Variants in COL4A2 observed in about 807,000 individuals in gnomAD.
COL4A2 encodes the protein collagen alpha-2(IV) chain.
COL4A2 carries 99 observed loss-of-function variants against 200.2 expected under a neutral mutation model. The ratio of observed to expected loss-of-function variants is 0.49; its 90% CI spans 0.42 to 0.58. The LOEUF is 0.58. COL4A2 is among the 20% of genes least tolerant of loss of function. COL4A2 has a pLI of 0.00. For missense variants in COL4A2, 1,950 were observed against 2,314.1 expected (o/e 0.84, Z 3.23); for synonymous variants, 897 against 900.6 (o/e 1.00, Z 0.07).
chr13:110,437,240 C>A (rs895083794), intron 13 of COL4A2, among the ~76,000 whole-genome samples: 3 of 152,142 alleles, frequency 2.0e-5, no homozygotes, highest in African/African-American at 7.2e-5. Context: ...TATGAGTGAC[C>A]GTTGACAAAA....
chr13:110,361,130 T>C (rs1209510694), intron 4 of COL4A2, among the ~76,000 whole-genome samples: 2 of 152,240 alleles, frequency 1.3e-5, no homozygotes, highest in East Asian at 3.8e-4. Flanking sequence ...AGGAGACAAT[T>C]ACTCTCAGGA....
chr13:110,314,771 G>A (rs899011942), intron 3 of COL4A2, among the ~76,000 whole-genome samples: 1 of 152,180 alleles, frequency 6.6e-6, no homozygotes, highest in Non-Finnish European at 1.5e-5. Context: ...CAGTACCCTC[G>A]TGCCCTCCTG....
chr13:110,329,389 A>G (rs905787769), intron 3 of COL4A2, among the ~76,000 whole-genome samples: 3 of 152,230 alleles, frequency 2.0e-5, no homozygotes, highest in African/African-American at 7.2e-5. Context: ...GAGAAGGAAG[A>G]TAGAGCCAGC....
Position 110,508,439 on chromosome 13 carries a change from A to G in COL4A2, c.4881+218A>G. On this transcript the variant is annotated intron_variant, in intron 47 of 47. Transcript: ENST00000360467. The surrounding 1 kb of genome is among the most constrained non-coding windows in gnomAD (Gnocchi z 6.1). ...GGCTTCCTCCACCCAGAAAGGGCTC[A>G]TTAATTTGCCACCAGGCCTTTGTAA... The G allele has an allele frequency of 1.4e-6, 1 of 728,546 alleles. No homozygotes were observed. The highest frequency in any genetic ancestry group is 2.2e-6 in the Non-Finnish European group (1 of 456,070). 45.1% of individuals were successfully genotyped at this position (728,546 alleles called of 1,614,324 possible).
intron 39 of COL4A2, among the ~76,000 whole-genome samples, chr13:110,493,858 G>A (rs551951042): frequency 3.3e-5 from 5 of 152,212 alleles, no homozygotes; most frequent in Non-Finnish European, 5.9e-5. Context: ...GTGTCCTCAC[G>A]AGGGAGAGCA....
chr13:110,482,482 G>A (rs773997592), intron 31 of COL4A2, 34 bp from the exon 32 acceptor site: 5 of 1,607,682 alleles, frequency 3.1e-6, no homozygotes, highest in Admixed American at 3.3e-5. Context: ...TTTTATTCAT[G>A]TCTAACCCAG....
intron 6 of COL4A2, among the ~76,000 whole-genome samples, chr13:110,426,353 A>G (rs1389239712): frequency 6.6e-6 from 1 of 152,222 alleles, no homozygotes; most frequent in African/African-American, 2.4e-5. Context: ...AAACTAGGGA[A>G]GAAGTAATCA....
intron 40 of COL4A2, among the ~76,000 whole-genome samples, chr13:110,497,034 G>GTCA (rs1883483747): frequency 6.7e-6 from 1 of 149,422 alleles, no homozygotes; most frequent in African/African-American, 2.5e-5. Flanking sequence ...GAGGATCTAG[G>GTCA]GTCAGCACAC....
At chr13:110,465,882 C>A in intron 25 of COL4A2, 121 bp from the exon 26 acceptor site, 2 of 1,251,526 alleles carry the variant, frequency 1.6e-6, no homozygotes, top group Non-Finnish European at 2.2e-6. Context: ...CATTTCAAAG[C>A]CTTCCTGCCC....
chr13:110,344,950 G>A (rs546900951), intron 3 of COL4A2, among the ~76,000 whole-genome samples: 1 of 152,202 alleles, frequency 6.6e-6, no homozygotes, highest in East Asian at 1.9e-4. Flanking sequence ...AGTTGCATCG[G>A]TATTGAGTGG....
intron 3 of COL4A2, among the ~76,000 whole-genome samples, chr13:110,335,463 T>C (rs1022143331): frequency 2.0e-5 from 3 of 152,210 alleles, no homozygotes; most frequent in Non-Finnish European, 4.4e-5. Context: ...CACTCTCTCT[T>C]GTCTGCCACC....
chr13:110,510,383 G>A (rs973221204), intron 47 of COL4A2, among the ~76,000 whole-genome samples: 3 of 152,208 alleles, frequency 2.0e-5, no homozygotes, highest in Non-Finnish European at 4.4e-5. Flanking sequence ...CAAGTATCTA[G>A]CCAGCCGTTA....
At chr13:110,426,847 G>A (rs937780901) in intron 6 of COL4A2, among the ~76,000 whole-genome samples, 2 of 152,178 alleles carry the variant, frequency 1.3e-5, no homozygotes, top group Non-Finnish European at 2.9e-5. Flanking sequence ...CATGTGGAGA[G>A]CTGTTTTCTC....
At chr13:110,432,102 A>G (rs1594210815) in intron 10 of COL4A2, among the ~76,000 whole-genome samples, 1 of 152,158 alleles carries the variant, frequency 6.6e-6, no homozygotes, top group East Asian at 1.9e-4. Flanking sequence ...CAAAGCAGAA[A>G]CAGCTGTCCG....
chr13:110,511,745 A>T lies in COL4A2; in HGVS notation c.4882-189A>T, dbSNP rs200968937. On this transcript the variant is annotated intron_variant, in intron 47 of 47. Transcript: ENST00000360467. ...CCTGGTGCCTGGGGCTGCCTCCTGC[A>T]GGGGGCCCATGTGTATTTCACCAGC... Among the ~76,000 whole-genome samples, 37 of 119,648 alleles carry T rather than the reference A, an allele frequency of 3.1e-4. No individual in the cohort carries two copies. The East Asian group carries it at 0.02, about 64-fold the overall frequency. 78.5% of individuals were successfully genotyped at this position (119,648 alleles called of 152,430 possible).
chr13:110,359,614 G>A (rs760634134), intron 4 of COL4A2, among the ~76,000 whole-genome samples: 39 of 152,158 alleles, frequency 2.6e-4, no homozygotes, highest in Admixed American at 5.2e-4. Context: ...AGTTTCTACC[G>A]TAGCCATTTC....
intron 29 of COL4A2, among the ~76,000 whole-genome samples, chr13:110,477,416 G>A (rs1882743800): frequency 6.6e-6 from 1 of 152,210 alleles, no homozygotes; most frequent in Non-Finnish European, 1.5e-5. Flanking sequence ...GAATCAGTGC[G>A]ATGTATCTTT....
At chr13:110,476,669 G>A (rs1434130391) in intron 29 of COL4A2, among the ~76,000 whole-genome samples, 1 of 152,234 alleles carries the variant, frequency 6.6e-6, no homozygotes, top group African/African-American at 2.4e-5. Flanking sequence ...AGTGGTGGCA[G>A]GAGTGTGCAC....
intron 6 of COL4A2, among the ~76,000 whole-genome samples, chr13:110,427,933 C>A (rs1246458856): frequency 6.6e-6 from 1 of 152,216 alleles, no homozygotes; most frequent in Admixed American, 6.5e-5. Context: ...TGTGTCTTCT[C>A]TGTTTAGGAT....
Sources: allele counts gnomAD v4.1 joint callset (sites outside exome capture counted in the v4.1 genomes callset), GRCh38; gene constraint gnomAD v4.1.1; non-coding constraint Gnocchi (gnomAD v3.1); transcripts MANE v1.5; gene names NCBI Gene and HGNC (gene_info 2026-07-23, HGNC 2026-07-21).